Variants in TMEM114 observed in about 807,000 individuals in gnomAD.
TMEM114 encodes transmembrane protein 114.
TMEM114 carries 6 observed loss-of-function variants against 6.2 expected under a neutral mutation model. That is an observed-to-expected ratio of 0.97 (90% CI 0.53 to 1.91). TMEM114 has a LOEUF of 1.91. Ranked by LOEUF, TMEM114 falls within the 40% of genes most tolerant of loss-of-function variation. The pLI is 0.01. For synonymous variants in TMEM114, 104 were observed against 73.0 expected (o/e 1.42, Z -2.16); for missense variants, 218 against 158.3 (o/e 1.38, Z -2.02).
At chr16:8,538,133 C>CAAAA (rs59194084) in intron 2 of TMEM114, among the ~76,000 whole-genome samples, 19,528 of 76,204 alleles carry the variant, frequency 0.26, 4,260 homozygotes, top group African/African-American at 0.36. Context: ...ACTGTCTCTA[C>CAAAA]AAAAAAAAAA....
At chr16:8,538,807 G>A (rs778638544) in intron 2 of TMEM114, among the ~76,000 whole-genome samples, 1 of 152,072 alleles carries the variant, frequency 6.6e-6, no homozygotes, top group Non-Finnish European at 1.5e-5. Flanking sequence ...CGCCCGCCCG[G>A]CCGTGCTGTG....
chr16:8,565,716 C>G (rs930194731), downstream of TMEM114, among the ~76,000 whole-genome samples: 5 of 152,182 alleles, frequency 3.3e-5, no homozygotes, highest in East Asian at 9.6e-4. Context: ...ACACAACAGA[C>G]CTAAGGGTCT....
the TMEM114 span, among the ~76,000 whole-genome samples, chr16:8,528,095 T>A: frequency 6.6e-6 from 1 of 151,912 alleles, no homozygotes; most frequent in African/African-American, 2.4e-5. Flanking sequence ...GAGATGGGAT[T>A]TCGCCATGCT....
chr16:8,551,987 T>C (rs1203554748), intron 2 of TMEM114, among the ~76,000 whole-genome samples: 2 of 152,194 alleles, frequency 1.3e-5, no homozygotes, highest in Non-Finnish European at 2.9e-5. Context: ...TCTCCAAAGA[T>C]TCTATATTGT....
At position 8,569,991 on chromosome 16, in the gene TMEM114, C is replaced by T; in HGVS notation, c.454G>A (p.Ala152Thr). Residue 152 changes from alanine to threonine, a missense_variant, in exon 4 of 4, where the codon GCT (alanine) becomes ACT (threonine). Physicochemically the swap from Ala to Thr is moderately conservative, Grantham distance 58. Transcript: ENST00000620492. ...TACGCTATGTAGACGCTGATCCCAGCGAGGGTCACCATGGCTGCAGGGAGG... is the reference window on the plus strand; with the variant it reads ...TACGCTATGTAGACGCTGATCCCAGTGAGGGTCACCATGGCTGCAGGGAGG... ...LFLFGAMVTLAGISVYIAYSA... is the reference protein window; with the variant it reads ...LFLFGAMVTLTGISVYIAYSA... 1 of 1,549,596 alleles carries T rather than the reference C, an allele frequency of 6.5e-7. No homozygotes were observed. Among genetic ancestry groups the T allele is most frequent in the Non-Finnish European group, 8.7e-7 (1 of 1,145,968 alleles).
At chr16:8,526,689 G>A in the TMEM114 span, 1 of 152,264 alleles carries the variant, frequency 6.6e-6, no homozygotes, top group Non-Finnish European at 1.5e-5. Context: ...CTGCAGAACA[G>A]GGAGACAATT....
chr16:8,586,392 G>C (rs1007415978), intron 2 of TMEM114, among the ~76,000 whole-genome samples: 1 of 152,164 alleles, frequency 6.6e-6, no homozygotes, highest in Non-Finnish European at 1.5e-5. Flanking sequence ...TGAACATTGA[G>C]GCTCAGAGAG....
At chr16:8,553,007 C>G (rs1310757177) in intron 2 of TMEM114, among the ~76,000 whole-genome samples, 4 of 152,266 alleles carry the variant, frequency 2.6e-5, no homozygotes, top group South Asian at 2.1e-4. Flanking sequence ...TGGCTTGGCT[C>G]TGCTCACTTG....
chr16:8,565,143 A>G (rs1901498061), downstream of TMEM114, among the ~76,000 whole-genome samples: 1 of 151,780 alleles, frequency 6.6e-6, no homozygotes, highest in South Asian at 2.1e-4. Flanking sequence ...ATGGATGGAT[A>G]ATGATGGATG....
At chr16:8,579,524 G>C (rs1167626257) in intron 2 of TMEM114, among the ~76,000 whole-genome samples, 1 of 152,080 alleles carries the variant, frequency 6.6e-6, no homozygotes, top group Non-Finnish European at 1.5e-5. Flanking sequence ...TGGTCTCCAA[G>C]AGGTATTGTT....
intron 3 of TMEM114, among the ~76,000 whole-genome samples, chr16:8,571,593 C>T (rs948494617): frequency 9.2e-5 from 14 of 151,594 alleles, no homozygotes; most frequent in Admixed American, 2.0e-4. Context: ...CCTCCCCTGC[C>T]CCCACCCCCA....
rs903855052 is a variant in TMEM114, at chr16:8,589,029, A to G, written c.301+184T>C. Among the ~76,000 whole-genome samples, 103 of 152,174 alleles carry G rather than the reference A, an allele frequency of 6.8e-4. 1 individual carries two copies. Among genetic ancestry groups the G allele is most frequent in the African/African-American group, 2.3e-3 (95 of 41,570 alleles). On this transcript the variant is annotated intron_variant, in intron 2 of 3. Coordinates refer to ENST00000620492, the MANE Select transcript of TMEM114 (RefSeq NM_001146336.2). ...AATGAACCCTAAACCACAAAACGTT[A>G]CAGGTGGATCAGGAGAGACCCTGCC... is the stretch of plus-strand genomic sequence containing the variant.
downstream of TMEM114, among the ~76,000 whole-genome samples, chr16:8,567,941 A>T (rs551651586): frequency 6.6e-6 from 1 of 152,194 alleles, no homozygotes; most frequent in Non-Finnish European, 1.5e-5. Flanking sequence ...CCATGTGAGT[A>T]ACCCACTCCT....
chr16:8,549,239 C>G lies in TMEM114; in HGVS notation n.213-11413G>C, dbSNP rs531449999. 2.1e-4 allele frequency among the ~76,000 whole-genome samples: 30 copies of G among 143,948 alleles called. No homozygotes were observed. In the East Asian group the frequency reaches 5.3e-3, roughly 25 times the overall value. The allele number at this position is 143,948 out of a possible 152,430, so 94.4% of individuals were successfully genotyped here. On this transcript the variant is annotated intron_variant and non_coding_transcript_variant, in intron 2 of 2. Transcript: ENST00000623677. ...CTCAGGTTGGGGGTGGTGGCTCACA[C>G]CTATAATCCTAGCACTTTGGGAGGC... is the stretch of plus-strand genomic sequence containing the variant.
At chr16:8,536,570 A>G (rs894694053), downstream of TMEM114, among the ~76,000 whole-genome samples, 1 of 152,252 alleles carries the variant, frequency 6.6e-6, no homozygotes. Context: ...GCTTAAACAA[A>G]TTAAAGTGGA....
chr16:8,550,889 C>A (rs1343828206), intron 2 of TMEM114, among the ~76,000 whole-genome samples: 1 of 152,166 alleles, frequency 6.6e-6, no homozygotes, highest in Non-Finnish European at 1.5e-5. Flanking sequence ...TGCTCTCCTC[C>A]TGAGAGAACC....
At chr16:8,526,754 A>T in the TMEM114 span, 2 of 152,352 alleles carry the variant, frequency 1.3e-5, no homozygotes, top group Non-Finnish European at 2.9e-5. Flanking sequence ...ATAGCAATGC[A>T]AGAGCAGATG....
intron 2 of TMEM114, among the ~76,000 whole-genome samples, chr16:8,561,256 C>G (rs569591181): frequency 2.6e-5 from 4 of 152,366 alleles, no homozygotes; most frequent in South Asian, 4.1e-4. Flanking sequence ...TTGGGCAACA[C>G]TTATTGAGCT....
intron 2 of TMEM114, among the ~76,000 whole-genome samples, chr16:8,574,473 G>C (rs555962075): frequency 4.1e-4 from 63 of 152,264 alleles, no homozygotes; most frequent in African/African-American, 1.4e-3. Flanking sequence ...GGTGAGTCAA[G>C]AAAACAAGAC....
Sources: gnomAD v4.1 joint callset for allele counts (sites outside exome capture counted in the v4.1 genomes callset) on GRCh38, gnomAD v4.1.1 for gene constraint, MANE v1.5 for transcripts, NCBI Gene and HGNC (gene_info 2026-07-23, HGNC 2026-07-21) for gene names.